DAW1: variants seen among roughly 807,000 people sequenced by gnomAD.
The protein encoded by DAW1 is dynein assembly factor with WD repeat domains 1.
Under a neutral mutation model 56.5 loss-of-function variants are expected in DAW1, and 47 were observed. The observed-to-expected ratio is 0.83, with a 90% CI of 0.66 to 1.06. The LOEUF is 1.06. DAW1 is among the 50% of genes least tolerant of loss of function. The pLI is 0.00. For missense variants in DAW1, 505 were observed against 499.3 expected, an observed-to-expected ratio of 1.01 and a Z score of -0.11; for synonymous variants, 190 against 179.0, an observed-to-expected ratio of 1.06 and a Z score of -0.49.
intron 2 of DAW1, among the ~76,000 whole-genome samples, chr2:227,888,354 A>T (rs1691178490): frequency 6.6e-6 from 1 of 152,218 alleles, no homozygotes; most frequent in Admixed American, 6.5e-5. Flanking sequence ...TCAAAGGTTT[A>T]TTGGGCAGTG....
chr2:227,902,184 A>G (rs560137796), intron 6 of DAW1, among the ~76,000 whole-genome samples: 1 of 152,310 alleles, frequency 6.6e-6, no homozygotes, highest in South Asian at 2.1e-4. Flanking sequence ...CAATACTAGT[A>G]ACTTTCTGTG....
intron 1 of DAW1, among the ~76,000 whole-genome samples, chr2:227,880,594 G>C (rs1690988526): frequency 6.6e-6 from 1 of 152,170 alleles, no homozygotes; most frequent in African/African-American, 2.4e-5. Flanking sequence ...GTTCTGGGCA[G>C]TTTCTTGAGT....
chr2:227,917,668 T>TA (rs1212490333), intron 10 of DAW1, among the ~76,000 whole-genome samples: 1 of 152,168 alleles, frequency 6.6e-6, no homozygotes, highest in Non-Finnish European at 1.5e-5. Flanking sequence ...TTATAAAACT[T>TA]AGAGTGTAGA....
chr2:227,905,129 C>T (rs1460997290), intron 8 of DAW1, 94 bp downstream of exon 8: 4 of 932,938 alleles, frequency 4.3e-6, no homozygotes, highest in Non-Finnish European at 4.7e-6. Context: ...TCTATTAACT[C>T]TGCTTTGGAT....
intron 3 of DAW1, 60 bp from the exon 4 acceptor site, chr2:227,891,195 T>G (rs1691258446): frequency 2.0e-6 from 3 of 1,486,834 alleles, no homozygotes; most frequent in Non-Finnish European, 2.8e-6. Context: ...TGGTTTGAAG[T>G]TATAACTAAC....
intron 7 of DAW1, among the ~76,000 whole-genome samples, chr2:227,903,662 T>G (rs918120168): frequency 4.1e-5 from 1 of 24,478 alleles, no homozygotes; most frequent in Non-Finnish European, 8.5e-5. Context: ...CACCCTCCCC[T>G]TCCTCCCACC....
chr2:227,902,241 G>A (rs1258238401), intron 6 of DAW1, among the ~76,000 whole-genome samples: 2 of 152,198 alleles, frequency 1.3e-5, no homozygotes, highest in Non-Finnish European at 2.9e-5. Context: ...AGGGAAGCAG[G>A]TGGTTGGATA....
At position 227,904,960 on chromosome 2, in the gene DAW1, T is replaced by G; in HGVS notation, c.680T>G (p.Phe227Cys). The change falls in exon 8 of 13, where the codon TTT becomes TGT. Residue 227 changes from phenylalanine to cysteine, a missense_variant. Transcript: ENST00000309931. ...GHSAEIISLS[F>C]NTSGDRIITG... ...TCTGCCGAAATCATCTCCTTGTCAT[T>G]TAACACCTCAGGAGACAGAATCATC... is the stretch of plus-strand genomic sequence containing the variant. 6.2e-7 allele frequency: 1 copy of G among 1,613,666 alleles called. No homozygotes were observed. Among genetic ancestry groups the G allele is most frequent in the Non-Finnish European group, 8.5e-7 (1 of 1,179,690 alleles).
chr2:227,872,425 TAAG>T (rs1461232014), intron 1 of DAW1: 3 of 152,190 alleles, frequency 2.0e-5, no homozygotes, highest in African/African-American at 7.2e-5. Context: ...CCGGTTTTGT[TAAG>T]AATAGCTTTA....
chr2:227,918,616 A>G (rs1013810680), intron 10 of DAW1, among the ~76,000 whole-genome samples, 164 bp from the exon 11 acceptor site: 6 of 151,866 alleles, frequency 4.0e-5, no homozygotes, highest in Non-Finnish European at 8.8e-5. Context: ...TGGGACCAGC[A>G]GGCATTTAGA....
intron 10 of DAW1, among the ~76,000 whole-genome samples, chr2:227,909,407 T>G (rs925073310): frequency 2.0e-5 from 3 of 148,518 alleles, no homozygotes; most frequent in African/African-American, 7.3e-5. Context: ...TGTATATAAT[T>G]CTGTTTATAG....
At position 227,871,873 on chromosome 2, in the gene DAW1, C is replaced by T. The variant is rs570066537; in HGVS notation, c.40+144C>T. The T allele has an allele frequency of 1.6e-5, 15 of 948,944 alleles. No individual in the cohort carries two copies. In the African/African-American group the frequency reaches 1.8e-4, roughly 12 times the overall value. The allele number at this position is 948,944 out of a possible 1,614,324, so 58.8% of individuals were successfully genotyped here. On this transcript the variant is annotated intron_variant, in intron 1 of 12. Transcript: ENST00000309931. ...GAAGTCGGGCACTTCCCAACCTGTG[C>T]CCCTCATTCCTTCAGATGCTGGACT...
intron 1 of DAW1, among the ~76,000 whole-genome samples, chr2:227,875,703 C>G (rs952574646): frequency 6.6e-6 from 1 of 152,134 alleles, no homozygotes; most frequent in Non-Finnish European, 1.5e-5. Context: ...TTTCACAGCC[C>G]CTTTCCCTGG....
chr2:227,921,087 G>A lies in DAW1; in HGVS notation c.1051-312G>A, dbSNP rs113772445. 4.0e-3 allele frequency among the ~76,000 whole-genome samples: 611 copies of A among 152,262 alleles called. 6 individuals carry two copies. Among genetic ancestry groups the A allele is most frequent in the African/African-American group, 0.014 (594 of 41,546 alleles). On this transcript the variant is annotated intron_variant, in intron 11 of 12. Coordinates refer to ENST00000309931, the MANE Select transcript of DAW1 (RefSeq NM_178821.3). ...GCCCTGCATCTTTGCACAGAGAAGG[G>A]CATCGTGCATCTTTGGAAAGAAGCT...
At chr2:227,922,088 G>T (rs980001285) in intron 12 of DAW1, among the ~76,000 whole-genome samples, 1 of 152,246 alleles carries the variant, frequency 6.6e-6, no homozygotes, top group African/African-American at 2.4e-5. Context: ...AGGAGTTGGA[G>T]GCTTCAGTGA....
At chr2:227,893,192 C>T (rs1691314102) in intron 4 of DAW1, among the ~76,000 whole-genome samples, 2 of 151,022 alleles carry the variant, frequency 1.3e-5, no homozygotes, top group Non-Finnish European at 1.5e-5. Context: ...ATCGCTTGAA[C>T]CCCGGAGGCA....
rs1692103223 is a variant in DAW1 at position 227,921,320 on chromosome 2, T to G, written c.1051-79T>G. The G allele has an allele frequency of 5.2e-6, 4 of 765,834 alleles. No homozygotes were observed. In the East Asian group the frequency reaches 1.7e-4, roughly 32 times the overall value. 47.4% of individuals were successfully genotyped at this position (765,834 alleles called of 1,614,324 possible). On this transcript the variant is annotated intron_variant, in intron 11 of 12. Transcript: ENST00000309931. The stretch of plus-strand genomic sequence containing the variant: ...CTGTAATGTCCTTTTTTTTTTTTTT[T>G]TTTTTTTTTTTTTGCTGATAAGAAA...
At chr2:227,914,055 T>A (rs1691895041) in intron 10 of DAW1, among the ~76,000 whole-genome samples, 1 of 151,978 alleles carries the variant, frequency 6.6e-6, no homozygotes, top group African/African-American at 2.4e-5. Flanking sequence ...GCCTTTATAA[T>A]GCAACAATAT....
Position 227,921,536 on chromosome 2 carries a change from CT to C in DAW1, c.1189del (p.Tyr397IlefsTer5), listed in dbSNP as rs1692110963. ...ATGAAATCTTTTCATGTGCTTTCAA[CT>C]ATAAAGGCAACATAGTCATTACAGG... ...TDEIFSCAFN[Y>X]KGNIVITGSK... is the part of the protein sequence containing the mutation. On this transcript the variant is annotated frameshift_variant, in exon 12 of 13. Transcript: ENST00000309931. LOFTEE classifies it high-confidence loss of function. 1 of 1,613,668 alleles carries C rather than the reference CT, an allele frequency of 6.2e-7. No individual in the cohort carries two copies. The highest frequency in any genetic ancestry group is 1.3e-5 in the African/African-American group (1 of 74,834).
Sources: gnomAD v4.1 joint callset for allele counts (sites outside exome capture counted in the v4.1 genomes callset) on GRCh38, gnomAD v4.1.1 for gene constraint, MANE v1.5 for transcripts, NCBI Gene and HGNC (gene_info 2026-07-23, HGNC 2026-07-21) for gene names.